KSR2: variants seen among roughly 807,000 people sequenced by gnomAD.
The protein encoded by KSR2 is kinase suppressor of ras 2.
In KSR2, 25 loss-of-function variants were observed where a neutral mutation model predicts 107.8. The observed-to-expected ratio is 0.23, with a 90% CI of 0.17 to 0.32. The LOEUF is 0.32. Among genes scored for constraint, KSR2 ranks in the 10% least tolerant of loss-of-function variants. The pLI is 1.00. For missense variants in KSR2, 887 were observed against 1,268.9 expected (o/e 0.70, Z 4.57); for synonymous variants, 480 against 507.0 (o/e 0.95, Z 0.71).
chr12:117,760,905 C>T, intron 4 of KSR2, 106 bp downstream of exon 4: 1 of 1,409,552 alleles, frequency 7.1e-7, no homozygotes. Flanking sequence ...GTCTGGAACG[C>T]AAGTCTGTTC....
rs1896853564 is a variant in KSR2 at position 117,968,130 on chromosome 12, C to T, written c.126G>A (p.Arg42=). 3 of 1,600,508 alleles carry T rather than the reference C, an allele frequency of 1.9e-6. No homozygotes were observed. The highest frequency in any genetic ancestry group is 1.7e-6 in the Non-Finnish European group (2 of 1,175,054). The stretch of plus-strand genomic sequence containing the variant: ...GGTCGTTGGAGGTAGCACATTTGGT[C>T]CTAAGCCCTTCCAGGTTGGAGATGC... The part of the protein sequence containing the change: ...DLSISNLEGL[R]TKCATSNDLT... Residue 42 remains arginine (R), a synonymous_variant, in exon 1 of 20, where the codon AGG becomes AGA. Coordinates refer to ENST00000339824, the MANE Select transcript of KSR2 (RefSeq NM_173598.6).
intron 14 of KSR2, among the ~76,000 whole-genome samples, chr12:117,509,058 A>T (rs764107983): frequency 1.3e-5 from 2 of 152,090 alleles, no homozygotes; most frequent in Non-Finnish European, 2.9e-5. Flanking sequence ...TTGAATTGAT[A>T]GGAGGATGGA....
chr12:117,854,083 CTCAA>C (rs1174693893), intron 3 of KSR2, among the ~76,000 whole-genome samples: 7 of 152,168 alleles, frequency 4.6e-5, no homozygotes, highest in Non-Finnish European at 7.3e-5. Flanking sequence ...TCACTGCAGC[CTCAA>C]TCAATGTCCT....
rs140867928 is a variant in KSR2 at position 117,777,369 on chromosome 12, A to G, written c.473-15845T>C. On this transcript the variant is annotated intron_variant, in intron 3 of 19. Coordinates refer to ENST00000339824, the MANE Select transcript of KSR2 (RefSeq NM_173598.6). ...TGGGGCCATTGTAAACAGCAAAATC[A>G]CCCACACAAAGTACAAACAAAATGT... Among the ~76,000 whole-genome samples, 356 of 152,086 alleles carry G rather than the reference A, an allele frequency of 2.3e-3. 1 individual carries two copies. The highest frequency in any genetic ancestry group is 7.3e-3 in the African/African-American group (302 of 41,480).
At chr12:117,862,403 C>A (rs1217391430) in intron 1 of KSR2, among the ~76,000 whole-genome samples, 2 of 152,130 alleles carry the variant, frequency 1.3e-5, no homozygotes, top group African/African-American at 4.8e-5. Flanking sequence ...CCGTGGCTCA[C>A]ACCTGTAACC....
intron 4 of KSR2, among the ~76,000 whole-genome samples, chr12:117,750,217 TC>T (rs929129835): frequency 7.1e-6 from 1 of 140,782 alleles, no homozygotes; most frequent in Non-Finnish European, 1.5e-5. Flanking sequence ...ACCACTGCAC[TC>T]CAGCCTGGGT....
intron 14 of KSR2, among the ~76,000 whole-genome samples, chr12:117,493,442 C>T (rs1246967825): frequency 2.0e-5 from 3 of 152,132 alleles, no homozygotes; most frequent in South Asian, 2.1e-4. Context: ...CTGTCATTCA[C>T]GGAGTTCCAA....
In KSR2 at chr12:117,465,523, G is replaced by GCCC. The variant is rs1871102863; in HGVS notation, c.*1675_*1676insGGG. The GCCC allele has an allele frequency of 6.6e-6, 1 of 152,222 alleles. No homozygotes were observed. Among genetic ancestry groups the GCCC allele is most frequent in the Non-Finnish European group, 1.5e-5 (1 of 68,068 alleles). The allele number at this position is 152,222 out of a possible 1,614,324, so 9.4% of individuals were successfully genotyped here. ...ACCATTCTTCCCGGTTTGGAAGCAG[G>GCCC]TTTGGCCCCCAGAGCATGAACCAGT... On this transcript the variant is annotated 3_prime_UTR_variant, in exon 20 of 20. Transcript: ENST00000339824.
intron 17 of KSR2, among the ~76,000 whole-genome samples, chr12:117,472,285 TAATG>T (rs1261233914): frequency 6.6e-6 from 1 of 152,160 alleles, no homozygotes; most frequent in African/African-American, 2.4e-5. Flanking sequence ...ACATTGTAAT[TAATG>T]GAGAGAGGAT....
intron 7 of KSR2, among the ~76,000 whole-genome samples, chr12:117,562,006 A>C (rs11068542): frequency 6.6e-6 from 1 of 151,948 alleles, no homozygotes; most frequent in Non-Finnish European, 1.5e-5. Flanking sequence ...ATGTATAAGC[A>C]GATAAATCAA....
At chr12:117,945,873 A>T (rs911905176) in intron 1 of KSR2, among the ~76,000 whole-genome samples, 4 of 152,210 alleles carry the variant, frequency 2.6e-5, no homozygotes, top group Admixed American at 1.3e-4. Flanking sequence ...ACTTCTGGTA[A>T]TTGGAAGTCC....
chr12:117,765,765 G>A (rs1025743127), intron 3 of KSR2, among the ~76,000 whole-genome samples: 3 of 152,148 alleles, frequency 2.0e-5, no homozygotes, highest in Admixed American at 6.5e-5. Flanking sequence ...TATTTTAATC[G>A]CAAAAGGATG....
At chr12:117,705,491 A>C (rs542429) in intron 4 of KSR2, among the ~76,000 whole-genome samples, 122,022 of 152,152 alleles carry the variant, frequency 0.8, 49,114 homozygotes, top group South Asian at 0.93. Flanking sequence ...TGGGCCCCCA[A>C]GGGACACCTA....
At chr12:117,665,036 G>A (rs1038999103) in intron 5 of KSR2, among the ~76,000 whole-genome samples, 2 of 152,140 alleles carry the variant, frequency 1.3e-5, no homozygotes, top group African/African-American at 4.8e-5. Flanking sequence ...TAGGGAACTG[G>A]TCCCTGAGGT....
At chr12:117,917,166 G>GC (rs1459653595) in intron 1 of KSR2, among the ~76,000 whole-genome samples, 1 of 152,174 alleles carries the variant, frequency 6.6e-6, no homozygotes, top group African/African-American at 2.4e-5. Context: ...GGGCAAAATT[G>GC]CCCCCAGTTA....
intron 3 of KSR2, among the ~76,000 whole-genome samples, chr12:117,826,374 T>A (rs561273856): frequency 3.3e-5 from 5 of 152,094 alleles, no homozygotes; most frequent in Admixed American, 2.6e-4. Flanking sequence ...TGTGGCAACG[T>A]CCTGTTCCTG....
intron 5 of KSR2, among the ~76,000 whole-genome samples, chr12:117,591,669 C>T (rs889386478): frequency 2.0e-5 from 3 of 151,412 alleles, no homozygotes; most frequent in African/African-American, 7.3e-5. Flanking sequence ...TTGTCACCAT[C>T]ACTCTCCTCC....
chr12:117,692,858 T>A (rs1885889723), intron 4 of KSR2, among the ~76,000 whole-genome samples: 1 of 151,972 alleles, frequency 6.6e-6, no homozygotes, highest in Non-Finnish European at 1.5e-5. Flanking sequence ...TCCACAGAAA[T>A]GGAATGCAGA....
chr12:117,721,827 G>C (rs753394430), intron 4 of KSR2, among the ~76,000 whole-genome samples: 3 of 152,198 alleles, frequency 2.0e-5, no homozygotes, highest in Non-Finnish European at 4.4e-5. Context: ...TAAGCAGAGG[G>C]AGGTGGGGCA....
Sources: gnomAD v4.1 joint callset for allele counts (sites outside exome capture counted in the v4.1 genomes callset) on GRCh38, gnomAD v4.1.1 for gene constraint, MANE v1.5 for transcripts, NCBI Gene and HGNC (gene_info 2026-07-23, HGNC 2026-07-21) for gene names.